Variants in GABRB3 observed in about 807,000 individuals in gnomAD.
GABRB3 encodes gamma-aminobutyric acid type A receptor subunit beta3.
Under a neutral mutation model 52.1 loss-of-function variants are expected in GABRB3, and 14 were observed. The ratio of observed to expected loss-of-function variants is 0.27; its 90% CI spans 0.18 to 0.42. GABRB3 has a LOEUF of 0.42. GABRB3 is among the 10% of genes least tolerant of loss of function. GABRB3 has a pLI of 1.00. For synonymous variants in GABRB3, 260 were observed against 232.3 expected, an observed-to-expected ratio of 1.12 and a Z score of -1.08; for missense variants, 307 against 609.1, an observed-to-expected ratio of 0.50 and a Z score of 5.22.
At chr15:26,667,642 C>T (rs1478233796) in intron 3 of GABRB3, among the ~76,000 whole-genome samples, 1 of 152,194 alleles carries the variant, frequency 6.6e-6, no homozygotes, top group Non-Finnish European at 1.5e-5. Flanking sequence ...AACAATCTAA[C>T]GGTAATTCCT....
chr15:26,554,184 ATATATAC>A (rs1385953830), intron 8 of GABRB3, among the ~76,000 whole-genome samples: 595 of 29,480 alleles, frequency 0.02, 59 homozygotes, highest in African/African-American at 0.092. Flanking sequence ...AAGTATATAT[ATATATAC>A]TATATATATA....
intron 3 of GABRB3, among the ~76,000 whole-genome samples, chr15:26,655,606 G>C (rs769638763): frequency 7.2e-5 from 11 of 152,142 alleles, no homozygotes; most frequent in Non-Finnish European, 1.5e-4. Flanking sequence ...GCCAGGCGTG[G>C]TGGCGGGCGC....
chr15:26,676,486 G>C (rs1474441118), intron 3 of GABRB3, among the ~76,000 whole-genome samples: 1 of 152,160 alleles, frequency 6.6e-6, no homozygotes, highest in African/African-American at 2.4e-5. Context: ...CACTGCACTT[G>C]TGTGTGTACA....
rs906961296 is a variant in GABRB3 at position 26,565,665 on chromosome 15, T to C, written c.835+1916A>G. ...CCGGGGTATTAACGATTTAATACTG[T>C]AGAAGGCAATACTTTACAATTAGGG... is the stretch of plus-strand genomic sequence containing the variant. On this transcript the variant is annotated intron_variant, in intron 7 of 8. Transcript: ENST00000311550. Among the ~76,000 whole-genome samples, 15 of 152,314 alleles carry C rather than the reference T, an allele frequency of 9.8e-5. No individual in the cohort carries two copies. In the East Asian group the frequency reaches 1.9e-3, roughly 20 times the overall value.
intron 6 of GABRB3, chr15:26,569,226 G>C (rs1372204612): frequency 1.3e-5 from 2 of 152,106 alleles, no homozygotes; most frequent in South Asian, 2.1e-4. Context: ...GGAGATGAAC[G>C]ATTTTATGTC....
At chr15:26,558,000 T>G (rs1483272038) in intron 8 of GABRB3, 1 of 152,190 alleles carries the variant, frequency 6.6e-6, no homozygotes, top group African/African-American at 2.4e-5. Context: ...AAAAAATTTA[T>G]AACCTGTTTA....
intron 4 of GABRB3, among the ~76,000 whole-genome samples, chr15:26,608,455 T>G (rs535630697): frequency 6.6e-6 from 1 of 152,208 alleles, no homozygotes; most frequent in African/African-American, 2.4e-5. Context: ...CAAATGAGAC[T>G]ACATCAAACT....
rs1354503823 is a variant in GABRB3 at position 26,545,727 on chromosome 15, T to C, written c.*2066A>G. ...GGTTTTTCCCAATCTGTTTAACTTTTAGGATCCCCCATTGTTACCCATGGA... is the reference window on the plus strand; with the variant it reads ...GGTTTTTCCCAATCTGTTTAACTTTCAGGATCCCCCATTGTTACCCATGGA... On this transcript the variant is annotated 3_prime_UTR_variant, in exon 9 of 9. Transcript: ENST00000311550. 6.6e-6 allele frequency: 1 copy of C among 152,502 alleles called. No individual in the cohort carries two copies. The highest frequency in any genetic ancestry group is 1.5e-5 in the Non-Finnish European group (1 of 68,024). The allele number at this position is 152,502 out of a possible 1,614,324, so 9.4% of individuals were successfully genotyped here. A position where few individuals can be genotyped will look rare whatever the true frequency, so the allele number is the denominator to read the frequency against.
At chr15:26,581,744 T>C (rs1387657574) in intron 5 of GABRB3, among the ~76,000 whole-genome samples, 1 of 152,194 alleles carries the variant, frequency 6.6e-6, no homozygotes, top group African/African-American at 2.4e-5. Context: ...ATAAAACCTT[T>C]TGCAGAAGCC....
chr15:26,606,772 A>ATAGATATATC lies in GABRB3; in HGVS notation c.461+14541_461+14542insGATATATCTA, dbSNP rs1566770499. On this transcript the variant is annotated intron_variant, in intron 4 of 8. Coordinates refer to ENST00000311550, the MANE Select transcript of GABRB3 (RefSeq NM_000814.6). ...ATATCATACATATCTGTCTATCTAT[A>ATAGATATATC]GATAGATAGATATATCTATAGATAG... 8.3e-4 allele frequency among the ~76,000 whole-genome samples: 68 copies of ATAGATATATC among 81,752 alleles called. 2 individuals carry two copies. In the East Asian group the frequency reaches 0.01, roughly 12 times the overall value. The allele number at this position is 81,752 out of a possible 152,430, so 53.6% of individuals were successfully genotyped here.
intron 3 of GABRB3, among the ~76,000 whole-genome samples, chr15:26,689,644 G>A (rs1216839503): frequency 6.6e-6 from 1 of 152,078 alleles, no homozygotes; most frequent in African/African-American, 2.4e-5. Context: ...GTGAGGCAGA[G>A]GACACGAAAC....
At chr15:26,620,001 C>T (rs927316074) in intron 4 of GABRB3, among the ~76,000 whole-genome samples, 8 of 152,074 alleles carry the variant, frequency 5.3e-5, no homozygotes, top group African/African-American at 1.9e-4. Context: ...GCTTCTTTCA[C>T]TTTAGTTTTT....
chr15:26,672,330 G>C (rs1887923973), intron 3 of GABRB3, among the ~76,000 whole-genome samples: 1 of 152,100 alleles, frequency 6.6e-6, no homozygotes, highest in South Asian at 2.1e-4. Flanking sequence ...TATCACAAGA[G>C]AGCAGAGAAG....
At chr15:26,704,389 G>A (rs28427381) in intron 3 of GABRB3, among the ~76,000 whole-genome samples, 3,191 of 152,290 alleles carry the variant, frequency 0.021, 110 homozygotes, top group African/African-American at 0.073. Flanking sequence ...AAGTGTCTTT[G>A]AGGTCATTCT....
chr15:26,624,873 C>CCG, intron 3 of GABRB3: 1 of 985,454 alleles, frequency 1.0e-6, no homozygotes, highest in Non-Finnish European at 1.2e-6. Context: ...AGCCATGGTG[C>CCG]CGCTCCTTGT....
chr15:26,547,733 A>G lies in GABRB3; in HGVS notation c.*60T>C. On this transcript the variant is annotated 3_prime_UTR_variant, in exon 9 of 9. Transcript: ENST00000311550. The stretch of plus-strand genomic sequence containing the variant: ...GTGTGTACAGGTATAAAAACTTGAC[A>G]GGCAGAGTAATATTTCACTCAGTGT... 1 of 1,391,356 alleles carries G rather than the reference A, an allele frequency of 7.2e-7. No individual in the cohort carries two copies. The highest frequency in any genetic ancestry group is 1.4e-5 in the African/African-American group (1 of 70,532). The allele number at this position is 1,391,356 out of a possible 1,614,324, so 86.2% of individuals were successfully genotyped here.
At chr15:26,652,444 C>A (rs115962855) in intron 3 of GABRB3, among the ~76,000 whole-genome samples, 101 of 152,236 alleles carry the variant, frequency 6.6e-4, no homozygotes, top group African/African-American at 2.3e-3. Context: ...AATCATGAGG[C>A]TAACATCTTA....
At chr15:26,699,935 A>G (rs1888871859) in intron 3 of GABRB3, among the ~76,000 whole-genome samples, 1 of 148,174 alleles carries the variant, frequency 6.7e-6, no homozygotes, top group African/African-American at 2.4e-5. Context: ...TCCACTTTAT[A>G]AAACTGGAAA....
At chr15:26,643,992 T>TGA (rs1268484531) in intron 3 of GABRB3, among the ~76,000 whole-genome samples, 1 of 152,016 alleles carries the variant, frequency 6.6e-6, no homozygotes, top group African/African-American at 2.4e-5. Context: ...TATTACACCA[T>TGA]GAGAAGTGAC....
Sources: allele counts gnomAD v4.1 joint callset (sites outside exome capture counted in the v4.1 genomes callset), GRCh38; gene constraint gnomAD v4.1.1; transcripts MANE v1.5; gene names NCBI Gene and HGNC (gene_info 2026-07-23, HGNC 2026-07-21).